ZFP1: variants seen among roughly 807,000 people sequenced by gnomAD.
The protein encoded by ZFP1 is zinc finger protein 1 homolog.
ZFP1 carries 32 observed loss-of-function variants against 38.5 expected under a neutral mutation model. The ratio of observed to expected loss-of-function variants is 0.83; its 90% CI spans 0.63 to 1.12. ZFP1 has a LOEUF of 1.12. Ranked by LOEUF, ZFP1 falls within the 50% of genes most tolerant of loss-of-function variation. The pLI is 0.00. For missense variants in ZFP1, 616 were observed against 480.8 expected (o/e 1.28, Z -2.63); for synonymous variants, 245 against 168.8 (o/e 1.45, Z -3.50).
In ZFP1 at chr16:75,170,552, T is replaced by G; in HGVS notation, c.*218T>G. 1.7e-6 allele frequency: 1 copy of G among 575,922 alleles called. No homozygotes were observed. The highest frequency in any genetic ancestry group is 6.1e-5 in the South Asian group (1 of 16,396). 35.7% of individuals were successfully genotyped at this position (575,922 alleles called of 1,614,324 possible). A position where few individuals can be genotyped will look rare whatever the true frequency, so the allele number is the denominator to read the frequency against. On this transcript the variant is annotated 3_prime_UTR_variant, in exon 4 of 4. Transcript: ENST00000570010. ...ATATCAGAATATATCCAGTTGTAAA[T>G]AGCCATACCCAGTTGTACTACAATG...
At chr16:75,167,786 A>T (rs1043984968) in intron 3 of ZFP1, among the ~76,000 whole-genome samples, 1 of 152,088 alleles carries the variant, frequency 6.6e-6, no homozygotes, top group Non-Finnish European at 1.5e-5. Flanking sequence ...TTTTGTAGAG[A>T]CAAGTTCTCT....
chr16:75,133,938 A>G, the ZFP1 span, among the ~76,000 whole-genome samples: 1 of 152,046 alleles, frequency 6.6e-6, no homozygotes, highest in Non-Finnish European at 1.5e-5. Context: ...AGCCCCAGCT[A>G]CTTGGGAGGC....
chr16:75,122,295 C>T, the ZFP1 span, among the ~76,000 whole-genome samples: 6 of 152,132 alleles, frequency 3.9e-5, no homozygotes, highest in African/African-American at 1.4e-4. Context: ...TTAAAAAGAG[C>T]AGGAGTACCA....
chr16:75,136,239 G>C, the ZFP1 span, among the ~76,000 whole-genome samples: 1 of 152,174 alleles, frequency 6.6e-6, no homozygotes, highest in African/African-American at 2.4e-5. Flanking sequence ...AAGAGGGTTG[G>C]GGAAAAAGGC....
chr16:75,147,120 G>C (rs1396959143), upstream of ZFP1, among the ~76,000 whole-genome samples: 1 of 152,232 alleles, frequency 6.6e-6, no homozygotes, highest in South Asian at 2.1e-4. Flanking sequence ...GATTTCCAGG[G>C]GTTGTGGGAT....
intron 2 of ZFP1, among the ~76,000 whole-genome samples, chr16:75,158,082 C>G (rs1381307007): frequency 6.6e-6 from 1 of 151,624 alleles, no homozygotes; most frequent in South Asian, 2.1e-4. Flanking sequence ...ACCACCATGC[C>G]TGGCCCATAC....
At chr16:75,127,341 C>T in the ZFP1 span, among the ~76,000 whole-genome samples, 1 of 152,210 alleles carries the variant, frequency 6.6e-6, no homozygotes, top group African/African-American at 2.4e-5. Flanking sequence ...CCTCTGCCTC[C>T]TGGGCTCAAG....
chr16:75,162,013 G>C (rs755805812), intron 2 of ZFP1, among the ~76,000 whole-genome samples: 98 of 151,196 alleles, frequency 6.5e-4, no homozygotes, highest in Non-Finnish European at 9.7e-4. Flanking sequence ...TCGAACTCCT[G>C]ACCTCATGTG....
intron 2 of ZFP1, among the ~76,000 whole-genome samples, chr16:75,165,888 A>T (rs1020851885): frequency 6.6e-6 from 1 of 152,120 alleles, no homozygotes; most frequent in East Asian, 1.9e-4. Context: ...CTTGTCCCAC[A>T]TATCTTTTAG....
At chr16:75,145,264 C>T (rs967273184), upstream of ZFP1, among the ~76,000 whole-genome samples, 1 of 152,236 alleles carries the variant, frequency 6.6e-6, no homozygotes, top group Admixed American at 6.5e-5. Flanking sequence ...ATTCAAGACA[C>T]TGACAACAAA....
chr16:75,121,538 G>C, the ZFP1 span, among the ~76,000 whole-genome samples: 10 of 152,074 alleles, frequency 6.6e-5, no homozygotes, highest in African/African-American at 2.4e-4. Flanking sequence ...ATTTTCACCT[G>C]AGTTGTTTCC....
the ZFP1 span, among the ~76,000 whole-genome samples, chr16:75,132,775 G>T: frequency 6.8e-6 from 1 of 147,252 alleles, no homozygotes; most frequent in Non-Finnish European, 1.5e-5. Context: ...TCTTGCCTCA[G>T]CCTCCTGTGT....
At chr16:75,168,519 C>T (rs1208189506) in intron 3 of ZFP1, among the ~76,000 whole-genome samples, 2 of 145,116 alleles carry the variant, frequency 1.4e-5, no homozygotes, top group East Asian at 4.0e-4. Context: ...ATAGTGAAAA[C>T]ATGTTCACTC....
upstream of ZFP1, among the ~76,000 whole-genome samples, chr16:75,147,143 G>A (rs778484695): frequency 6.6e-6 from 1 of 152,084 alleles, no homozygotes; most frequent in South Asian, 2.1e-4. Context: ...ATGAATAAAT[G>A]GAGCACAGAT....
Position 75,169,647 on chromosome 16 carries a change from C to G in ZFP1, c.537C>G (p.Asn179Lys), listed in dbSNP as rs779785402. ...TTTTTAAACATCAGAAAATAAAAAACTTGGTTCAACCTTTCATTTGTACTT... is the reference window on the plus strand; with the variant it reads ...TTTTTAAACATCAGAAAATAAAAAAGTTGGTTCAACCTTTCATTTGTACTT... ...AAIFKHQKIK[N>K]LVQPFICTYC... is the part of the protein sequence containing the mutation. Residue 179 changes from asparagine to lysine, a missense_variant, in exon 4 of 4, where the codon AAC becomes AAG. Asn to Lys is a moderately conservative substitution (Grantham distance 94, BLOSUM62 0). Coordinates refer to ENST00000570010, the MANE Select transcript of ZFP1 (RefSeq NM_153688.4). 18 of 1,595,422 alleles carry G rather than the reference C, an allele frequency of 1.1e-5. No homozygotes were observed. Among genetic ancestry groups the G allele is most frequent in the Non-Finnish European group, 1.4e-5 (16 of 1,174,986 alleles).
the ZFP1 span, chr16:75,127,719 A>G: frequency 6.6e-6 from 1 of 152,208 alleles, no homozygotes; most frequent in Non-Finnish European, 1.5e-5. Flanking sequence ...TGAAATGTTC[A>G]TGAATATCAA....
chr16:75,165,697 CA>C (rs1376305864), intron 2 of ZFP1, among the ~76,000 whole-genome samples: 1 of 151,966 alleles, frequency 6.6e-6, no homozygotes, highest in African/African-American at 2.4e-5. Flanking sequence ...GGTTTTAAAT[CA>C]GTTTTGTTAT....
At chr16:75,161,376 C>G (rs775818665) in intron 2 of ZFP1, among the ~76,000 whole-genome samples, 10 of 151,776 alleles carry the variant, frequency 6.6e-5, no homozygotes, top group Non-Finnish European at 7.4e-5. Flanking sequence ...GCCAACAACA[C>G]TCACTTCTGC....
chr16:75,166,593 G>C, intron 2 of ZFP1, 177 bp from the exon 3 acceptor site: 1 of 985,142 alleles, frequency 1.0e-6, no homozygotes, highest in Non-Finnish European at 1.2e-6. Flanking sequence ...AGGGGAATCT[G>C]AATAAATCTC....
Sources: allele counts gnomAD v4.1 joint callset (sites outside exome capture counted in the v4.1 genomes callset), GRCh38; gene constraint gnomAD v4.1.1; transcripts MANE v1.5; gene names NCBI Gene and HGNC (gene_info 2026-07-23, HGNC 2026-07-21).